COL9A1: variants seen among roughly 807,000 people sequenced by gnomAD.
COL9A1 encodes the protein collagen type IX alpha 1 chain.
Under a neutral mutation model 142.6 loss-of-function variants are expected in COL9A1, and 104 were observed. That is an observed-to-expected ratio of 0.73 (90% CI 0.62 to 0.86). The LOEUF (loss-of-function observed/expected upper bound fraction) is 0.86, where lower values mean the gene tolerates loss of function less well. COL9A1 is among the 40% of genes least tolerant of loss of function. The probability of loss-of-function intolerance (pLI) is 0.00; values close to 1 mark genes in which losing one functional copy is unlikely to be tolerated. For synonymous variants in COL9A1, 466 were observed against 396.0 expected, an observed-to-expected ratio of 1.18 and a Z score of -2.10; for missense variants, 1,210 against 1,176.6, an observed-to-expected ratio of 1.03 and a Z score of -0.42.
intron 10 of COL9A1, chr6:70,280,048 A>T: frequency 1.4e-6 from 1 of 694,204 alleles, no homozygotes; most frequent in Non-Finnish European, 2.7e-6. Flanking sequence ...GTTAGAATGC[A>T]TGGAAAGAGG....
At chr6:70,221,085 A>G (rs1414046728) in intron 37 of COL9A1, among the ~76,000 whole-genome samples, 3 of 150,908 alleles carry the variant, frequency 2.0e-5, no homozygotes, top group Non-Finnish European at 2.9e-5. Context: ...AATATTTAAA[A>G]TTATTGCTAA....
chr6:70,260,859 T>G, intron 19 of COL9A1, 149 bp from the exon 20 acceptor site: 1 of 678,830 alleles, frequency 1.5e-6, no homozygotes, highest in Non-Finnish European at 2.4e-6. Context: ...GACAAACATT[T>G]CTAGTTTAGA....
At chr6:70,269,770 A>C (rs1583300519) in intron 15 of COL9A1, 105 bp from the exon 16 acceptor site, 1 of 723,620 alleles carries the variant, frequency 1.4e-6, no homozygotes, top group South Asian at 1.7e-5. Context: ...ATATTTGTTT[A>C]ATAAAATATA....
Position 70,226,012 on chromosome 6 carries a change from G to A in COL9A1, c.2504-3C>T. On this transcript the variant is annotated splice_polypyrimidine_tract_variant and splice_region_variant and intron_variant, in intron 36 of 37. Transcript: ENST00000357250. The stretch of plus-strand genomic sequence containing the variant: ...CTCCCCCTTTTCTCCCAAGTCACCT[G>A]CATTACATTAAAGAAATGTTATTTT... The A allele has an allele frequency of 1.2e-6, 2 of 1,610,416 alleles. No individual in the cohort carries two copies. Among genetic ancestry groups the A allele is most frequent in the South Asian group, 1.1e-5 (1 of 91,022 alleles).
intron 33 of COL9A1, among the ~76,000 whole-genome samples, chr6:70,238,483 A>G (rs921418638): frequency 3.3e-5 from 5 of 152,240 alleles, no homozygotes; most frequent in African/African-American, 4.8e-5. Context: ...ATAATTTGCT[A>G]TTATATTTTC....
intron 10 of COL9A1, chr6:70,279,704 ACACAGT>A (rs1413788372): frequency 3.2e-6 from 1 of 313,196 alleles, no homozygotes; most frequent in African/African-American, 2.2e-5. Context: ...AATAGTATAG[ACACAGT>A]ATAAACAAAC....
intron 33 of COL9A1, 141 bp downstream of exon 33, chr6:70,239,113 T>A (rs1388055513): frequency 3.2e-6 from 2 of 619,728 alleles, no homozygotes; most frequent in Non-Finnish European, 5.6e-6. Flanking sequence ...CATTCACGCC[T>A]GGGCGACAGA....
rs751254245 is a variant in COL9A1, at chr6:70,232,635, G to T, written c.2451C>A (p.Gly817=). 10 of 1,614,078 alleles carry T rather than the reference G, an allele frequency of 6.2e-6. No individual in the cohort carries two copies. Among genetic ancestry groups the T allele is most frequent in the Admixed American group, 5.0e-5 (3 of 60,024 alleles). The part of the protein sequence containing the change: ...NGFPGQMGIR[G]LPGIKGPPGA... ...CAGGGGGCCCCTTAATGCCCGGAAG[G>T]CCACGAATTCCCATCTGGCCTGGGA... The change falls in exon 36 of 38, where the codon GGC becomes GGA. Residue 817 remains glycine, a synonymous_variant. Transcript: ENST00000357250.
chr6:70,273,744 T>C (rs984612363), intron 12 of COL9A1, among the ~76,000 whole-genome samples: 1 of 152,132 alleles, frequency 6.6e-6, no homozygotes, highest in Non-Finnish European at 1.5e-5. Flanking sequence ...GTGTTTTCTA[T>C]CATGGCAGGT....
Position 70,261,611 on chromosome 6 carries a change from T to C in COL9A1, c.1396-901A>G, listed in dbSNP as rs192948156. Among the ~76,000 whole-genome samples, 473 of 152,294 alleles carry C rather than the reference T, an allele frequency of 3.1e-3. 1 individual carries two copies. The highest frequency in any genetic ancestry group is 0.011 in the African/African-American group (439 of 41,568). On this transcript the variant is annotated intron_variant, in intron 19 of 37. Transcript: ENST00000357250. Reference sequence around the variant, plus strand: ...ATGACCAACTCTTCATTCAGACCAGTCACAAATTCTATGTAGATCAGTCAG... The same window carrying C: ...ATGACCAACTCTTCATTCAGACCAGCCACAAATTCTATGTAGATCAGTCAG...
chr6:70,228,608 T>A (rs7743980), intron 36 of COL9A1, among the ~76,000 whole-genome samples: 33,418 of 152,046 alleles, frequency 0.22, 3,957 homozygotes, highest in Non-Finnish European at 0.27. Flanking sequence ...AGAAAAAATA[T>A]CTGTATAACC....
At chr6:70,267,614 G>A (rs377424282) in intron 17 of COL9A1, among the ~76,000 whole-genome samples, 8 of 152,128 alleles carry the variant, frequency 5.3e-5, no homozygotes, top group East Asian at 3.9e-4. Context: ...GAGCCACCGC[G>A]CCCGGCCTAC....
chr6:70,224,355 G>A (rs1198721497), intron 37 of COL9A1, among the ~76,000 whole-genome samples: 1 of 152,092 alleles, frequency 6.6e-6, no homozygotes, highest in Non-Finnish European at 1.5e-5. Context: ...CTGACAGTCT[G>A]GGACACAGCA....
chr6:70,268,552 A>G (rs916217524), intron 17 of COL9A1, among the ~76,000 whole-genome samples: 2 of 152,158 alleles, frequency 1.3e-5, no homozygotes, highest in African/African-American at 4.8e-5. Context: ...GGTGTTCTAA[A>G]GTCTCTCAAT....
intron 12 of COL9A1, among the ~76,000 whole-genome samples, chr6:70,273,203 T>C (rs1772519009): frequency 6.6e-6 from 1 of 152,332 alleles, no homozygotes; most frequent in East Asian, 1.9e-4. Context: ...TTGAACACTT[T>C]AATACATAGG....
intron 14 of COL9A1, among the ~76,000 whole-genome samples, chr6:70,270,699 G>A (rs1018024268): frequency 1.3e-5 from 2 of 152,330 alleles, no homozygotes; most frequent in East Asian, 1.9e-4. Context: ...GATTTACAGA[G>A]GACCTAGAGC....
chr6:70,233,272 T>C (rs949386832), intron 35 of COL9A1, among the ~76,000 whole-genome samples: 1 of 152,232 alleles, frequency 6.6e-6, no homozygotes, highest in African/African-American at 2.4e-5. Context: ...GAAGATATTA[T>C]ATAAACTGAA....
At chr6:70,267,586 TGCTGGGATTA>T in intron 17 of COL9A1, among the ~76,000 whole-genome samples, 1 of 151,876 alleles carries the variant, frequency 6.6e-6, no homozygotes, top group African/African-American at 2.4e-5. Context: ...CCTCCCAAAG[TGCTGGGATTA>T]CAGGCGTGAG....
At chr6:70,220,585 CAT>C (rs59030415) in intron 37 of COL9A1, among the ~76,000 whole-genome samples, 14,507 of 152,040 alleles carry the variant, frequency 0.095, 1,045 homozygotes, top group African/African-American at 0.2. Context: ...ACAGCCTTAA[CAT>C]AGCAGATTGT....
Sources: gnomAD v4.1 joint callset for allele counts (sites outside exome capture counted in the v4.1 genomes callset) on GRCh38, gnomAD v4.1.1 for gene constraint, MANE v1.5 for transcripts, NCBI Gene and HGNC (gene_info 2026-07-23, HGNC 2026-07-21) for gene names.